MAN2B1: variants seen among roughly 807,000 people sequenced by gnomAD.
The protein encoded by MAN2B1 is lysosomal alpha-mannosidase.
Under a neutral mutation model 127.5 loss-of-function variants are expected in MAN2B1, and 99 were observed. That is an observed-to-expected ratio of 0.78 (90% CI 0.66 to 0.92). The LOEUF is 0.92. Ranked by LOEUF, MAN2B1 falls within the 40% of genes least tolerant of loss-of-function variation. The pLI, the probability that MAN2B1 is intolerant of heterozygous loss-of-function variation, is 0.00. For missense variants in MAN2B1, 1,304 were observed against 1,384.8 expected (o/e 0.94, Z 0.93); for synonymous variants, 573 against 568.8 (o/e 1.01, Z -0.11).
intron 1 of MAN2B1, among the ~76,000 whole-genome samples, chr19:12,666,339 C>G (rs1158411870): frequency 6.6e-6 from 1 of 152,120 alleles, no homozygotes; most frequent in African/African-American, 2.4e-5. Flanking sequence ...CCCGGAGACA[C>G]GGAGGCAGGT....
Position 12,647,485 on chromosome 19 carries a change from A to G in MAN2B1, c.2778T>C (p.Asp926=). ...CGGGGGCGCTCAGGTTACGTCCGGA[A>G]TCCTCTCCTACGGCAAACTGGTGCT... The part of the protein sequence containing the change: ...RLEHQFAVGE[D]SGRNLSAPVT... Residue 926 remains aspartate, a synonymous_variant, in exon 22 of 24, where the codon GAT becomes GAC. Coordinates refer to ENST00000456935, the MANE Select transcript of MAN2B1 (RefSeq NM_000528.4). The surrounding 1 kb of genome is among the most constrained non-coding windows in gnomAD (Gnocchi z 4.9). 1 of 1,614,182 alleles carries G rather than the reference A, an allele frequency of 6.2e-7. No individual in the cohort carries two copies. Among genetic ancestry groups the G allele is most frequent in the Non-Finnish European group, 8.5e-7 (1 of 1,180,030 alleles).
intron 7 of MAN2B1, chr19:12,658,851 C>A: frequency 1.4e-5 from 5 of 351,884 alleles, no homozygotes; most frequent in African/African-American, 4.3e-5. Flanking sequence ...AGATTGTTAC[C>A]AAAAAACACA....
intron 14 of MAN2B1, among the ~76,000 whole-genome samples, chr19:12,654,858 G>T (rs1161199637): frequency 6.6e-6 from 1 of 152,006 alleles, no homozygotes; most frequent in Non-Finnish European, 1.5e-5. Context: ...TAGAGACTGG[G>T]TTTCACCATG....
At chr19:12,656,485 G>A in intron 13 of MAN2B1, 86 bp downstream of exon 13, 1 of 907,234 alleles carries the variant, frequency 1.1e-6, no homozygotes, top group Non-Finnish European at 1.8e-6. Context: ...GGTATTCATG[G>A]AAGCAGGCGA....
rs1478487935 is a variant in MAN2B1, at chr19:12,647,632, G to A, written c.2665-34C>T. 6.9e-6 allele frequency: 11 copies of A among 1,594,806 alleles called. No individual in the cohort carries two copies. The highest frequency in any genetic ancestry group is 9.4e-6 in the Non-Finnish European group (11 of 1,169,980). On this transcript the variant is annotated intron_variant, in intron 21 of 23. Coordinates refer to ENST00000456935, the MANE Select transcript of MAN2B1 (RefSeq NM_000528.4). This position sits in a 1 kb window ranked among gnomAD's most constrained non-coding sequence, Gnocchi z 4.9. ...GAGAGGGCGGGGCTGAGTTGGAGAG[G>A]GGCGGGGCCTGGATGGAGAAGGGCG...
intron 11 of MAN2B1, 103 bp downstream of exon 11, chr19:12,657,343 G>T: frequency 9.1e-7 from 1 of 1,098,124 alleles, no homozygotes; most frequent in Non-Finnish European, 1.3e-6. Context: ...CCGCCACAGG[G>T]CTCTCGGCTA....
rs780645699 is a variant in MAN2B1 at position 12,665,871 on chromosome 19, G to T, written c.160-66C>A. On this transcript the variant is annotated intron_variant, in intron 1 of 23. Coordinates refer to ENST00000456935, the MANE Select transcript of MAN2B1 (RefSeq NM_000528.4). ...CCCGAGGTCGGGGGCTGCAGAGTAA[G>T]TCTTGATCTAGAGGTGAGTGACTCA... The T allele has an allele frequency of 2.8e-5, 36 of 1,283,440 alleles. No homozygotes were observed. In the South Asian group the frequency reaches 4.3e-4, roughly 15 times the overall value. The allele number at this position is 1,283,440 out of a possible 1,614,324, so 79.5% of individuals were successfully genotyped here. A position where few individuals can be genotyped will look rare whatever the true frequency, so the allele number is the denominator to read the frequency against.
rs1222502509 is a variant in MAN2B1 at position 12,654,326 on chromosome 19, GC to G, written c.1830+1367del. Among the ~76,000 whole-genome samples, 3 of 152,232 alleles carry G rather than the reference GC, an allele frequency of 2.0e-5. No individual in the cohort carries two copies. The South Asian group carries it at 6.2e-4, about 32-fold the overall frequency. The stretch of plus-strand genomic sequence containing the variant: ...CAAAGTGCTGGGATTACAGGTGTGA[GC>G]CACCGCGCCCGGCCCCCCCAACCTT... On this transcript the variant is annotated intron_variant, in intron 14 of 23. Transcript: ENST00000456935.
intron 16 of MAN2B1, among the ~76,000 whole-genome samples, chr19:12,650,560 G>A (rs1255345368): frequency 1.3e-5 from 2 of 151,562 alleles, no homozygotes; most frequent in African/African-American, 2.4e-5. Context: ...GGGTTTCACC[G>A]TGTTAGCAAG....
chr19:12,661,481 G>A, intron 6 of MAN2B1, 105 bp from the exon 7 acceptor site: 5 of 809,538 alleles, frequency 6.2e-6, no homozygotes, highest in Non-Finnish European at 1.1e-5. Flanking sequence ...GCACAGGCAT[G>A]GGTGGGGGTA....
chr19:12,650,496 C>G (rs1158530557), intron 16 of MAN2B1, among the ~76,000 whole-genome samples: 2 of 144,764 alleles, frequency 1.4e-5, no homozygotes, highest in African/African-American at 5.1e-5. Context: ...GTAGCTGGGA[C>G]TACAGGCACC....
rs1289359595 is a variant in MAN2B1 at position 12,661,377 on chromosome 19, C to T, written c.910-1G>A. Reference sequence around the variant, plus strand: ...TGTGGTTGGTGCGGTAATACCGGCCCTGCAGGCAAGAGGGGAGTCCTGAAG... The same window carrying T: ...TGTGGTTGGTGCGGTAATACCGGCCTTGCAGGCAAGAGGGGAGTCCTGAAG... On this transcript the variant is annotated splice_acceptor_variant, in intron 6 of 23. Coordinates refer to ENST00000456935, the MANE Select transcript of MAN2B1 (RefSeq NM_000528.4). LOFTEE classifies it high-confidence loss of function. The T allele has an allele frequency of 1.9e-6, 3 of 1,603,626 alleles. No homozygotes were observed. Among genetic ancestry groups the T allele is most frequent in the Non-Finnish European group, 1.7e-6 (2 of 1,170,494 alleles).
chr19:12,657,133 G>C (rs1179289741), intron 11 of MAN2B1, 77 bp from the exon 12 acceptor site: 18 of 883,102 alleles, frequency 2.0e-5, no homozygotes, highest in Non-Finnish European at 3.1e-5. Flanking sequence ...GCCCCGCCCC[G>C]TTCCGGTCTC....
In MAN2B1 at chr19:12,655,131, G is replaced by A. The variant is rs200939697; in HGVS notation, c.1830+563C>T. 3.3e-5 allele frequency among the ~76,000 whole-genome samples: 5 copies of A among 152,102 alleles called. No individual in the cohort carries two copies. The East Asian group carries it at 5.8e-4, about 18-fold the overall frequency. On this transcript the variant is annotated intron_variant, in intron 14 of 23. Transcript: ENST00000456935. ...ACTCCTGGGCTCAAGTGATCCTCCC[G>A]CTTCAGCCTCCCAAAGAGCTAGGAG...
At chr19:12,651,414 C>G (rs2023839102) in intron 16 of MAN2B1, among the ~76,000 whole-genome samples, 1 of 152,136 alleles carries the variant, frequency 6.6e-6, no homozygotes, top group South Asian at 2.1e-4. Context: ...TTGGGGAAGG[C>G]AGAGCAACAA....
chr19:12,654,183 C>G (rs947468629), intron 14 of MAN2B1, among the ~76,000 whole-genome samples: 2 of 152,002 alleles, frequency 1.3e-5, no homozygotes, highest in Non-Finnish European at 2.9e-5. Flanking sequence ...ACTGGGACTA[C>G]AGATGCTCGC....
At position 12,658,081 on chromosome 19, in the gene MAN2B1, C is replaced by T. The variant is rs754173789; in HGVS notation, c.1291G>A (p.Gly431Arg). ...LAANVGPYGS[G>R]DSAPLNEAMA... ...CACTTACTGAGGGGTGCACTGTCTCCGGAGCCATAGGGTCCCACGTTGGCC... is the reference window on the plus strand; with the variant it reads ...CACTTACTGAGGGGTGCACTGTCTCTGGAGCCATAGGGTCCCACGTTGGCC... The change falls in exon 10 of 24, where the codon GGA (glycine) becomes AGA (arginine). Residue 431 changes from glycine (G) to arginine (R), a missense_variant. Transcript: ENST00000456935. 2.8e-5 allele frequency: 45 copies of T among 1,613,226 alleles called. No individual in the cohort carries two copies. Among genetic ancestry groups the T allele is most frequent in the Non-Finnish European group, 3.6e-5 (43 of 1,179,984 alleles).
At position 12,655,749 on chromosome 19, in the gene MAN2B1, G is replaced by A; in HGVS notation, c.1775C>T (p.Ala592Val). Reference sequence around the variant, plus strand: ...GGATCTTCTGGGGATGGGCTGTGGTGCGCGGGCCTGGGGCTTCCAGCGAGG... The same window carrying A: ...GGATCTTCTGGGGATGGGCTGTGGTACGCGGGCCTGGGGCTTCCAGCGAGG... ...QVPRWKPQAR[A>V]PQPIPRRSWS... Residue 592 changes from alanine to valine, a missense_variant, in exon 14 of 24, where the codon GCA becomes GTA. Coordinates refer to ENST00000456935, the MANE Select transcript of MAN2B1 (RefSeq NM_000528.4). The A allele has an allele frequency of 1.9e-6, 3 of 1,609,440 alleles. No homozygotes were observed. The highest frequency in any genetic ancestry group is 2.6e-6 in the Non-Finnish European group (3 of 1,176,456).
rs200164758 is a variant in MAN2B1 at position 12,664,967 on chromosome 19, T to C, written c.455A>G (p.Asn152Ser). 2.7e-4 allele frequency: 429 copies of C among 1,613,846 alleles called. 1 individual carries two copies. Among genetic ancestry groups the C allele is most frequent in the African/African-American group, 2.6e-3 (195 of 75,062 alleles). ...LVRQGRLEFANGGWVMNDEAA... is the reference protein window; with the variant it reads ...LVRQGRLEFASGGWVMNDEAA... Reference sequence around the variant, plus strand: ...CTCATCGTTCATCACCCAGCCACCATTGGCGAACTCCAGGCGCCCTGTGCC... The same window carrying C: ...CTCATCGTTCATCACCCAGCCACCACTGGCGAACTCCAGGCGCCCTGTGCC... Residue 152 changes from asparagine to serine, a missense_variant, in exon 4 of 24, where the codon AAT becomes AGT. Transcript: ENST00000456935.
Sources: gnomAD v4.1 joint callset for allele counts (sites outside exome capture counted in the v4.1 genomes callset) on GRCh38, gnomAD v4.1.1 for gene constraint, Gnocchi (gnomAD v3.1) non-coding constraint, MANE v1.5 for transcripts, NCBI Gene and HGNC (gene_info 2026-07-23, HGNC 2026-07-21) for gene names.